The following NLRP1 variants were observed in gnomAD, a reference collection of about 807,000 sequenced individuals.
NLRP1 encodes the protein NLR family pyrin domain containing 1, also known as NACHT, LRR and PYD domains-containing protein 1.
NLRP1 carries 94 observed loss-of-function variants against 136.7 expected under a neutral mutation model. The ratio of observed to expected loss-of-function variants is 0.69; its 90% confidence interval spans 0.58 to 0.82. NLRP1 has a LOEUF of 0.82. Ranked by LOEUF, NLRP1 falls within the 40% of genes least tolerant of loss-of-function variation. The pLI, the probability that NLRP1 is intolerant of heterozygous loss-of-function variation, is 0.00. For synonymous variants in NLRP1, 690 were observed against 725.1 expected, an observed-to-expected ratio of 0.95 and a Z score of 0.78; for missense variants, 1,575 against 1,802.7, an observed-to-expected ratio of 0.87 and a Z score of 2.29.
Position 5,559,409 on chromosome 17 carries a change from G to A in NLRP1, c.1287C>T (p.His429=). The A allele has an allele frequency of 1.9e-6, 3 of 1,614,070 alleles. No homozygotes were observed. The highest frequency in any genetic ancestry group is 1.3e-5 in the African/African-American group (1 of 75,060). ...LQEPSSELCL[H]WSQPQPADAL... ...CATCCGCCGGCTGTGGCTGGCTCCA[G>A]TGCAGACAGAGCTCAGAACTCGGCT... Residue 429 remains histidine, a synonymous_variant, in exon 4 of 17, where the codon CAC becomes CAT. Transcript: ENST00000572272.
intron 5 of NLRP1, among the ~76,000 whole-genome samples, chr17:5,545,523 GACACAGACACAGACACAC>G (rs914912908): frequency 4.7e-5 from 5 of 106,010 alleles, no homozygotes; most frequent in South Asian, 3.8e-4. Flanking sequence ...TACACACACA[GACACAGACACAGACACAC>G]ACACAGACAC....
chr17:5,509,751 C>T (rs140805638), downstream of NLRP1, among the ~76,000 whole-genome samples: 173 of 152,244 alleles, frequency 1.1e-3, 1 homozygote, highest in African/African-American at 2.9e-3. Flanking sequence ...GTGATTCATC[C>T]GTCTCAGCCT....
At chr17:5,525,944 G>T (rs1252118951) in intron 12 of NLRP1, among the ~76,000 whole-genome samples, 4 of 151,588 alleles carry the variant, frequency 2.6e-5, no homozygotes, top group Non-Finnish European at 5.9e-5. Context: ...AGTCCTCTTG[G>T]TAACTCTTGG....
intron 15 of NLRP1, chr17:5,505,377 G>C (rs1005308093): frequency 6.6e-6 from 1 of 152,446 alleles, no homozygotes; most frequent in African/African-American, 2.4e-5. Context: ...GGCAGAGAAG[G>C]GGAGGCTGAG....
intron 5 of NLRP1, among the ~76,000 whole-genome samples, chr17:5,548,765 T>C (rs1912980558): frequency 6.6e-6 from 1 of 152,198 alleles, no homozygotes; most frequent in Non-Finnish European, 1.5e-5. Flanking sequence ...CCAGCAGCAG[T>C]AGTCCCTGCT....
At chr17:5,538,788 G>A (rs904592415) in intron 7 of NLRP1, among the ~76,000 whole-genome samples, 11 of 152,224 alleles carry the variant, frequency 7.2e-5, no homozygotes, top group African/African-American at 1.4e-4. Flanking sequence ...GAACCTGAGC[G>A]TCCCCTAGAG....
chr17:5,523,546 G>A (rs911248517), intron 12 of NLRP1, among the ~76,000 whole-genome samples: 5 of 152,084 alleles, frequency 3.3e-5, no homozygotes, highest in African/African-American at 1.2e-4. Flanking sequence ...TCCCTTTTCT[G>A]CTTAAATCAG....
rs764350549 is a variant in NLRP1, at chr17:5,558,701, C to T, written c.1995G>A (p.Leu665=). Residue 665 remains leucine, a synonymous_variant, in exon 4 of 17, where the codon CTG becomes CTA. Coordinates refer to ENST00000572272, the MANE Select transcript of NLRP1 (RefSeq NM_033004.4). The stretch of plus-strand genomic sequence containing the variant: ...GGAAACGTGTGGTTGATGCCCCAAA[C>T]AGGCCATGTATTCCATATGCTTCTA... ...KTLEAYGIHG[L]FGASTTRFLL... 6.2e-7 allele frequency: 1 copy of T among 1,614,196 alleles called. No homozygotes were observed.
At chr17:5,551,893 C>T (rs1027828554) in intron 5 of NLRP1, among the ~76,000 whole-genome samples, 1 of 152,114 alleles carries the variant, frequency 6.6e-6, no homozygotes, top group African/African-American at 2.4e-5. Context: ...TCTCAGCCTC[C>T]TAAGTAGTTA....
chr17:5,543,017 A>T (rs1912079463), intron 5 of NLRP1, among the ~76,000 whole-genome samples: 2 of 152,060 alleles, frequency 1.3e-5, no homozygotes. Context: ...TTTAGTAAAG[A>T]CGGGGTTTCG....
chr17:5,538,680 T>C (rs975154517), intron 7 of NLRP1, among the ~76,000 whole-genome samples: 2 of 152,154 alleles, frequency 1.3e-5, no homozygotes, highest in Non-Finnish European at 2.9e-5. Flanking sequence ...TGGTCACTAT[T>C]GTACCCCAAG....
chr17:5,511,350 T>C (rs1372990649), downstream of NLRP1, among the ~76,000 whole-genome samples: 1 of 151,284 alleles, frequency 6.6e-6, no homozygotes, highest in South Asian at 2.1e-4. Context: ...GAGAATCGTT[T>C]GAACCCGGGA....
At chr17:5,540,785 T>C (rs766248400) in intron 6 of NLRP1, among the ~76,000 whole-genome samples, 15 of 152,050 alleles carry the variant, frequency 9.9e-5, no homozygotes, top group Non-Finnish European at 1.6e-4. Context: ...CATCAACTCT[T>C]GATCAGGATT....
At chr17:5,550,267 T>A (rs11871568) in intron 5 of NLRP1, among the ~76,000 whole-genome samples, 10,420 of 152,252 alleles carry the variant, frequency 0.068, 827 homozygotes, top group African/African-American at 0.19. Flanking sequence ...TTTGAAAATA[T>A]AAGTGTTAAT....
In NLRP1 at chr17:5,567,569, C is replaced by T. The variant is rs1305303847; in HGVS notation, c.653-7526G>A. ...TTATTATTTTTGATTGGTTCATCAT[C>T]TAGTCTGTCTACTTAGGGTAAGAGA... On this transcript the variant is annotated intron_variant, in intron 3 of 16. Coordinates refer to ENST00000572272, the MANE Select transcript of NLRP1 (RefSeq NM_033004.4). Among the ~76,000 whole-genome samples the T allele has an allele frequency of 3.9e-5, 6 of 152,038 alleles. No individual in the cohort carries two copies. In the South Asian group the frequency reaches 1.2e-3, roughly 32 times the overall value.
chr17:5,524,172 C>T (rs1372855328), intron 12 of NLRP1, among the ~76,000 whole-genome samples: 4 of 152,200 alleles, frequency 2.6e-5, no homozygotes, highest in African/African-American at 4.8e-5. Context: ...CTCGGCCTCC[C>T]AGACCGCGCC....
intron 5 of NLRP1, among the ~76,000 whole-genome samples, chr17:5,550,784 A>G (rs572243956): frequency 6.6e-6 from 1 of 152,302 alleles, no homozygotes; most frequent in African/African-American, 2.4e-5. Context: ...GAAAGACCTA[A>G]GGAAAACAAA....
At chr17:5,566,927 C>T (rs574074078) in intron 3 of NLRP1, among the ~76,000 whole-genome samples, 36 of 152,136 alleles carry the variant, frequency 2.4e-4, no homozygotes, top group African/African-American at 8.7e-4. Context: ...CCTTCTTTGT[C>T]TCTCTTTGTA....
intron 5 of NLRP1, among the ~76,000 whole-genome samples, chr17:5,543,979 T>C (rs1204145371): frequency 6.6e-6 from 1 of 152,064 alleles, no homozygotes; most frequent in Non-Finnish European, 1.5e-5. Context: ...CCCTTCTAGA[T>C]TGGGGGGGTT....
Sources: gnomAD v4.1 joint callset for allele counts (sites outside exome capture counted in the v4.1 genomes callset) on GRCh38, gnomAD v4.1.1 for gene constraint, MANE v1.5 for transcripts, NCBI Gene and HGNC (gene_info 2026-07-23, HGNC 2026-07-21) for gene names.